The following SNU13 variants were observed in gnomAD, a reference collection of about 807,000 sequenced individuals.
The protein encoded by SNU13 is small nuclear ribonucleoprotein 13.
SNU13 carries 2 observed loss-of-function variants against 12.4 expected under a neutral mutation model. That is an observed-to-expected ratio of 0.16 (90% CI 0.07 to 0.51). SNU13 has a LOEUF of 0.51. Among genes scored for constraint, SNU13 ranks in the 20% least tolerant of loss-of-function variants. The probability of loss-of-function intolerance (pLI) is 0.96; values close to 1 mark genes in which losing one functional copy is unlikely to be tolerated. For missense variants in SNU13, 66 were observed against 157.8 expected, an observed-to-expected ratio of 0.42 and a Z score of 3.12; for synonymous variants, 68 against 66.5, an observed-to-expected ratio of 1.02 and a Z score of -0.11.
chr22:41,686,992 G>C (rs1457329950), intron 1 of SNU13, among the ~76,000 whole-genome samples: 1 of 151,430 alleles, frequency 6.6e-6, no homozygotes, highest in Non-Finnish European at 1.5e-5. Context: ...GTCTCAAACT[G>C]TCACACGGGC....
chr22:41,685,769 C>T (rs2068305530), intron 1 of SNU13, among the ~76,000 whole-genome samples: 1 of 151,648 alleles, frequency 6.6e-6, no homozygotes, highest in South Asian at 2.1e-4. Context: ...AGTTGGAGAC[C>T]AGCCTGACCA....
At chr22:41,678,405 A>G (rs79087195) in intron 2 of SNU13, among the ~76,000 whole-genome samples, 218 of 152,312 alleles carry the variant, frequency 1.4e-3, no homozygotes, top group African/African-American at 5.1e-3. Context: ...CCTGGCACAT[A>G]GCAGGCAATC....
chr22:41,675,683 A>C (rs1601568083), intron 2 of SNU13, among the ~76,000 whole-genome samples: 1 of 151,336 alleles, frequency 6.6e-6, no homozygotes, highest in Non-Finnish European at 1.5e-5. Context: ...CGGCCTCCCA[A>C]AGTGCTGAAA....
intron 2 of SNU13, among the ~76,000 whole-genome samples, chr22:41,675,821 G>T (rs189100883): frequency 1.1e-3 from 161 of 149,918 alleles, no homozygotes; most frequent in African/African-American, 3.8e-3. Context: ...CGCAATCTTG[G>T]CTCATTGCAA....
chr22:41,687,918 A>C (rs2068325344), intron 1 of SNU13: 1 of 152,220 alleles, frequency 6.6e-6, no homozygotes, highest in African/African-American at 2.4e-5. Flanking sequence ...TTCTAGGCTC[A>C]GCCACGTACT....
At chr22:41,676,373 A>G (rs551145298) in intron 2 of SNU13, among the ~76,000 whole-genome samples, 8 of 152,290 alleles carry the variant, frequency 5.3e-5, no homozygotes, top group Non-Finnish European at 1.0e-4. Context: ...CTCTAGAGCT[A>G]CACTGTCTGA....
intron 1 of SNU13, among the ~76,000 whole-genome samples, chr22:41,684,958 C>G (rs1222399361): frequency 3.3e-5 from 5 of 152,066 alleles, no homozygotes; most frequent in African/African-American, 1.2e-4. Context: ...AGTTCAAGAC[C>G]AGCCTGGATG....
At chr22:41,678,014 C>T (rs1248376919) in intron 2 of SNU13, among the ~76,000 whole-genome samples, 7 of 149,644 alleles carry the variant, frequency 4.7e-5, no homozygotes, top group Admixed American at 1.3e-4. Context: ...CTCACTCTGT[C>T]GCCCAGGCTA....
At chr22:41,677,171 T>C (rs1311739577) in intron 2 of SNU13, among the ~76,000 whole-genome samples, 1 of 152,196 alleles carries the variant, frequency 6.6e-6, no homozygotes, top group East Asian at 1.9e-4. Flanking sequence ...CTTTTTAACC[T>C]AATTCTAATT....
chr22:41,688,988 CGAA>C (rs1468700825), upstream of SNU13: 3 of 1,323,426 alleles, frequency 2.3e-6, no homozygotes, highest in Middle Eastern at 2.9e-4. Context: ...GGCCCTGTGT[CGAA>C]GAAGGAACGT....
At position 41,678,116 on chromosome 22, in the gene SNU13, T is replaced by C. The variant is rs868454462; in HGVS notation, c.124+2128A>G. 1.4e-4 allele frequency among the ~76,000 whole-genome samples: 22 copies of C among 152,156 alleles called. No homozygotes were observed. The Middle Eastern group carries it at 0.01, about 71-fold the overall frequency. On this transcript the variant is annotated intron_variant, in intron 2 of 2. Coordinates refer to ENST00000401959, the MANE Select transcript of SNU13 (RefSeq NM_001003796.2). ...TCAGCCTCCTGAGCAGCTGGGACTA[T>C]AGGCGCCCGCCACCACGCCCGGCTA...
Position 41,678,843 on chromosome 22 carries a change from C to T in SNU13, c.124+1401G>A, listed in dbSNP as rs557166201. On this transcript the variant is annotated intron_variant, in intron 2 of 2. Transcript: ENST00000401959. ...CTTCCTTCAGCAACACAGGTAAAAG[C>T]GATTGTAATAGTTCTCCTAAATCTC... is the stretch of plus-strand genomic sequence containing the variant. Among the ~76,000 whole-genome samples, 8 of 152,280 alleles carry T rather than the reference C, an allele frequency of 5.3e-5. No individual in the cohort carries two copies. The East Asian group carries it at 7.7e-4, about 15-fold the overall frequency.
At chr22:41,686,436 C>G (rs749642195) in intron 1 of SNU13, among the ~76,000 whole-genome samples, 1 of 151,572 alleles carries the variant, frequency 6.6e-6, no homozygotes, top group Non-Finnish European at 1.5e-5. Flanking sequence ...TCCCGAGTAA[C>G]TGGGACTACA....
At chr22:41,677,483 G>A (rs1367086155) in intron 2 of SNU13, among the ~76,000 whole-genome samples, 1 of 152,050 alleles carries the variant, frequency 6.6e-6, no homozygotes, top group African/African-American at 2.4e-5. Flanking sequence ...CATGATCAAT[G>A]CCAATGCACT....
At chr22:41,682,344 A>G (rs1460040772) in intron 1 of SNU13, 3 of 1,612,490 alleles carry the variant, frequency 1.9e-6, no homozygotes, top group Non-Finnish European at 2.5e-6. Flanking sequence ...ATGGCCCAGT[A>G]GGAACACTCA....
At chr22:41,682,405 G>A (rs200296538) in intron 1 of SNU13, 49 of 1,613,674 alleles carry the variant, frequency 3.0e-5, no homozygotes, top group Non-Finnish European at 3.1e-5. Flanking sequence ...AGGATACCAC[G>A]CGTGTCGGTT....
At chr22:41,685,711 A>T (rs528552357) in intron 1 of SNU13, among the ~76,000 whole-genome samples, 155 of 151,696 alleles carry the variant, frequency 1.0e-3, no homozygotes, top group African/African-American at 3.7e-3. Context: ...CACGCCTGTA[A>T]TCCCACCTCT....
chr22:41,685,569 G>C (rs1367371829), intron 1 of SNU13, among the ~76,000 whole-genome samples: 1 of 151,114 alleles, frequency 6.6e-6, no homozygotes, highest in Non-Finnish European at 1.5e-5. Flanking sequence ...GGCCAGGCTG[G>C]TCTTGAACTC....
intron 1 of SNU13, among the ~76,000 whole-genome samples, chr22:41,686,249 T>C (rs1274271386): frequency 6.6e-6 from 1 of 152,138 alleles, no homozygotes; most frequent in Non-Finnish European, 1.5e-5. Context: ...TCTCTGGATT[T>C]ATCATTGCAT....
Sources: gnomAD v4.1 joint callset for allele counts (sites outside exome capture counted in the v4.1 genomes callset) on GRCh38, gnomAD v4.1.1 for gene constraint, MANE v1.5 for transcripts, NCBI Gene and HGNC (gene_info 2026-07-23, HGNC 2026-07-21) for gene names.